The following ANKDD1B variants were observed in gnomAD, a reference collection of about 807,000 sequenced individuals.
The protein encoded by ANKDD1B is ankyrin repeat and death domain containing 1B.
Under a neutral mutation model 59.7 loss-of-function variants are expected in ANKDD1B, and 57 were observed. The observed-to-expected ratio is 0.95, with a 90% CI of 0.77 to 1.19. The LOEUF is 1.19. ANKDD1B is among the 50% of genes most tolerant of loss of function. ANKDD1B has a pLI of 0.00. For synonymous variants in ANKDD1B, 216 were observed against 239.5 expected (o/e 0.90, Z 0.91); for missense variants, 602 against 641.9 (o/e 0.94, Z 0.67).
At position 75,620,945 on chromosome 5, in the gene ANKDD1B, C is replaced by T. The variant is rs969214628; in HGVS notation, c.396+532C>T. 3.3e-5 allele frequency among the ~76,000 whole-genome samples: 5 copies of T among 152,200 alleles called. No individual in the cohort carries two copies. In the East Asian group the frequency reaches 7.7e-4, roughly 23 times the overall value. On this transcript the variant is annotated intron_variant, in intron 3 of 13. Transcript: ENST00000601380. ...TGGAAAGCCAAGGCTGTGGTCTCCCCGCTCTGCTGTGTACTTCCCACAAAT... is the reference window on the plus strand; with the variant it reads ...TGGAAAGCCAAGGCTGTGGTCTCCCTGCTCTGCTGTGTACTTCCCACAAAT...
intron 7 of ANKDD1B, among the ~76,000 whole-genome samples, chr5:75,638,911 A>G (rs1479000098): frequency 2.0e-5 from 3 of 152,172 alleles, no homozygotes; most frequent in Admixed American, 6.5e-5. Context: ...GCTCTTGGAT[A>G]TTTAGTTTCA....
chr5:75,640,070 G>A (rs369602257), intron 7 of ANKDD1B, among the ~76,000 whole-genome samples: 1 of 148,774 alleles, frequency 6.7e-6, no homozygotes, highest in Non-Finnish European at 1.5e-5. Flanking sequence ...TTGAGATGAG[G>A]TCTCACTCTG....
At chr5:75,668,769 A>G (rs1349918990) in intron 12 of ANKDD1B, among the ~76,000 whole-genome samples, 1 of 152,142 alleles carries the variant, frequency 6.6e-6, no homozygotes, top group Non-Finnish European at 1.5e-5. Context: ...CTTCCTTGAG[A>G]CTGGAGTGGC....
chr5:75,663,583 T>TTAGAGCAAAG, intron 11 of ANKDD1B, 94 bp downstream of exon 11: 5 of 981,666 alleles, frequency 5.1e-6, no homozygotes, highest in South Asian at 1.4e-5. Flanking sequence ...TTCTTTGCTC[T>TTAGAGCAAAG]AATGAGCAGA....
At chr5:75,640,223 T>C (rs1232268284) in intron 7 of ANKDD1B, among the ~76,000 whole-genome samples, 2 of 152,066 alleles carry the variant, frequency 1.3e-5, no homozygotes, top group African/African-American at 4.8e-5. Context: ...TTTTAAACTT[T>C]TTGTAGAGAT....
chr5:75,612,319 CCCCCCCCCG>C (rs1773585802), intron 1 of ANKDD1B, among the ~76,000 whole-genome samples: 1 of 32,020 alleles, frequency 3.1e-5, no homozygotes, highest in Non-Finnish European at 4.7e-5. Flanking sequence ...TCTGCCCCCG[CCCCCCCCCG>C]CCCTCCGCCC....
At position 75,666,733 on chromosome 5, in the gene ANKDD1B, A is replaced by T. The variant is rs1055419971; in HGVS notation, c.1192-59A>T. 2.3e-5 allele frequency: 29 copies of T among 1,271,514 alleles called. No homozygotes were observed. The African/African-American group carries it at 3.4e-4, about 15-fold the overall frequency. 78.8% of individuals were successfully genotyped at this position (1,271,514 alleles called of 1,614,324 possible). A position where few individuals can be genotyped will look rare whatever the true frequency, so the allele number is the denominator to read the frequency against. On this transcript the variant is annotated intron_variant, in intron 11 of 13. Coordinates refer to ENST00000601380, the MANE Select transcript of ANKDD1B (RefSeq NM_001276713.2). ...ATGTTTGAAAAACATATATACTCTGAAATAAGGTAATAAGTAGAACATGTC... is the reference window on the plus strand; with the variant it reads ...ATGTTTGAAAAACATATATACTCTGTAATAAGGTAATAAGTAGAACATGTC...
chr5:75,653,868 A>G (rs1050976558), intron 8 of ANKDD1B, among the ~76,000 whole-genome samples: 4 of 152,194 alleles, frequency 2.6e-5, no homozygotes, highest in African/African-American at 4.8e-5. Context: ...TAGTTTTTGG[A>G]GCATGGTGTT....
chr5:75,618,296 A>C (rs1773764848), intron 2 of ANKDD1B, among the ~76,000 whole-genome samples: 2 of 152,220 alleles, frequency 1.3e-5, no homozygotes, highest in East Asian at 3.8e-4. Context: ...GAGTAAGTGA[A>C]GCAATAATCA....
intron 7 of ANKDD1B, among the ~76,000 whole-genome samples, chr5:75,650,664 G>A (rs1774806006): frequency 1.3e-5 from 2 of 152,148 alleles, no homozygotes; most frequent in Admixed American, 1.3e-4. Context: ...GGTCATATAG[G>A]CATTTAGCAT....
chr5:75,621,043 G>C (rs564828218), intron 3 of ANKDD1B, among the ~76,000 whole-genome samples: 1 of 152,204 alleles, frequency 6.6e-6, no homozygotes, highest in African/African-American at 2.4e-5. Context: ...GCTGCTTTAT[G>C]ACCGCAGTTC....
At chr5:75,641,182 T>A (rs1478761313) in intron 7 of ANKDD1B, among the ~76,000 whole-genome samples, 1 of 152,224 alleles carries the variant, frequency 6.6e-6, no homozygotes, top group Non-Finnish European at 1.5e-5. Context: ...TGTGTTATTA[T>A]TTTTATTTTT....
chr5:75,648,257 AAAAAAAAATT>A (rs1382625153), intron 7 of ANKDD1B, among the ~76,000 whole-genome samples: 48 of 28,980 alleles, frequency 1.7e-3, no homozygotes, highest in African/African-American at 6.5e-3. Flanking sequence ...TATAATTAAA[AAAAAAAAATT>A]AAAAAAAAAA....
chr5:75,665,520 C>A (rs1018324035), intron 11 of ANKDD1B, among the ~76,000 whole-genome samples: 1 of 151,816 alleles, frequency 6.6e-6, no homozygotes. Context: ...AATCTTACTT[C>A]TTTTAGAATT....
chr5:75,628,128 A>C (rs1047422690), intron 5 of ANKDD1B, among the ~76,000 whole-genome samples: 4 of 152,220 alleles, frequency 2.6e-5, no homozygotes, highest in Non-Finnish European at 5.9e-5. Context: ...AATAGAAAAC[A>C]CAGAAAAAAT....
At chr5:75,670,103 T>TA (rs746596717) in intron 13 of ANKDD1B, among the ~76,000 whole-genome samples, 1 of 152,268 alleles carries the variant, frequency 6.6e-6, no homozygotes, top group Non-Finnish European at 1.5e-5. Flanking sequence ...TGTGGATACT[T>TA]ACCTTCCATC....
chr5:75,655,102 C>A (rs1774934606), intron 8 of ANKDD1B, among the ~76,000 whole-genome samples: 1 of 152,238 alleles, frequency 6.6e-6, no homozygotes, highest in African/African-American at 2.4e-5. Context: ...CATGTCTCCA[C>A]AGGCCAGTGG....
chr5:75,648,268 A>AAAAAAAAAAAAAT (rs1554068894), intron 7 of ANKDD1B, among the ~76,000 whole-genome samples: 2 of 23,000 alleles, frequency 8.7e-5, no homozygotes, highest in African/African-American at 2.1e-4. Context: ...AAAAAAAATT[A>AAAAAAAAAAAAAT]AAAAAAAAAA....
Position 75,611,597 on chromosome 5 carries a change from T to C in ANKDD1B, c.-38T>C. ...CTGGGTCTGGATCTGGGTCCGAGTC[T>C]GGGTCTGGCCCTGCGCTCAGGGCCC... On this transcript the variant is annotated 5_prime_UTR_variant, in exon 1 of 14. Transcript: ENST00000601380. 2 of 1,197,726 alleles carry C rather than the reference T, an allele frequency of 1.7e-6. No homozygotes were observed. The highest frequency in any genetic ancestry group is 2.1e-6 in the Non-Finnish European group (2 of 959,678). The allele number at this position is 1,197,726 out of a possible 1,614,324, so 74.2% of individuals were successfully genotyped here.
Sources: allele counts gnomAD v4.1 joint callset (sites outside exome capture counted in the v4.1 genomes callset), GRCh38; gene constraint gnomAD v4.1.1; transcripts MANE v1.5; gene names NCBI Gene and HGNC (gene_info 2026-07-23, HGNC 2026-07-21).